The following GAN variants were observed in gnomAD, a reference collection of about 807,000 sequenced individuals.
GAN encodes the protein epididymis secretory sperm binding protein.
GAN carries 48 observed loss-of-function variants against 71.3 expected under a neutral mutation model. The observed-to-expected ratio is 0.67, with a 90% CI of 0.53 to 0.86. GAN has a LOEUF of 0.86. Ranked by LOEUF, GAN falls within the 40% of genes least tolerant of loss-of-function variation. The probability of loss-of-function intolerance (pLI) is 0.00; values close to 1 mark genes in which losing one functional copy is unlikely to be tolerated. For synonymous variants in GAN, 386 were observed against 276.8 expected (o/e 1.39, Z -3.92); for missense variants, 928 against 770.1 (o/e 1.21, Z -2.43).
chr16:81,357,676 C>T (rs1014584399), intron 4 of GAN, 134 bp from the exon 5 acceptor site: 6 of 821,480 alleles, frequency 7.3e-6, no homozygotes, highest in Admixed American at 1.8e-5. Flanking sequence ...CCTGAGGAAT[C>T]GTCACACTGA....
chr16:81,352,917 A>G (rs1910347132), intron 2 of GAN, among the ~76,000 whole-genome samples: 1 of 152,252 alleles, frequency 6.6e-6, no homozygotes, highest in Non-Finnish European at 1.5e-5. Context: ...GTAAGAGCCT[A>G]TTCATGTTCA....
intron 5 of GAN, 140 bp from the exon 6 acceptor site, chr16:81,362,359 G>C: frequency 1.4e-6 from 1 of 697,012 alleles, no homozygotes; most frequent in East Asian, 2.7e-5. Flanking sequence ...GATCCAATGG[G>C]ATGTGATAAA....
At chr16:81,323,957 T>A (rs972275601) in intron 1 of GAN, among the ~76,000 whole-genome samples, 2 of 152,222 alleles carry the variant, frequency 1.3e-5, no homozygotes, top group African/African-American at 4.8e-5. Context: ...GAAATAAACA[T>A]AAAACTAAAG....
rs1286742860 is a variant in GAN, at chr16:81,379,751, G to A, written c.*2155G>A. 6.6e-6 allele frequency: 1 copy of A among 152,136 alleles called. No homozygotes were observed. Among genetic ancestry groups the A allele is most frequent in the Non-Finnish European group, 1.5e-5 (1 of 68,028 alleles). The allele number at this position is 152,136 out of a possible 1,614,324, so 9.4% of individuals were successfully genotyped here. On this transcript the variant is annotated 3_prime_UTR_variant, in exon 11 of 11. Coordinates refer to ENST00000648994, the MANE Select transcript of GAN (RefSeq NM_022041.4). ...GTAACTGACATCCAGTTAAAGCCAC[G>A]ATCGTCAGCAATTCTCCTTTTTTAA...
chr16:81,353,642 C>T (rs1480750692), intron 2 of GAN, among the ~76,000 whole-genome samples: 2 of 152,166 alleles, frequency 1.3e-5, no homozygotes, highest in African/African-American at 4.8e-5. Context: ...GTGAAGTGCC[C>T]ATGCTTTGGG....
chr16:81,368,998 G>A (rs1453469287), intron 9 of GAN, among the ~76,000 whole-genome samples: 2 of 152,276 alleles, frequency 1.3e-5, no homozygotes, highest in East Asian at 3.9e-4. Context: ...CCCTTTTTTA[G>A]TATCTTTCTT....
chr16:81,377,560 G>A lies in GAN; in HGVS notation c.1758G>A (p.Gln586=). 6.2e-7 allele frequency: 1 copy of A among 1,614,204 alleles called. No homozygotes were observed. Among genetic ancestry groups the A allele is most frequent in the Non-Finnish European group, 8.5e-7 (1 of 1,180,026 alleles). Residue 586 remains glutamine (Q), a synonymous_variant, in exon 11 of 11, where the codon CAG becomes CAA. Coordinates refer to ENST00000648994, the MANE Select transcript of GAN (RefSeq NM_022041.4). The stretch of plus-strand genomic sequence containing the variant: ...GCAAGCTTTTCCGCCTGCAGCTTCA[G>A]CAAGGCTTATTCCGTATTCGTGTTC... ...ANCKLFRLQL[Q]QGLFRIRVHS...
chr16:81,353,853 ATCTG>A (rs757531322), intron 2 of GAN, among the ~76,000 whole-genome samples: 24 of 152,188 alleles, frequency 1.6e-4, no homozygotes, highest in Non-Finnish European at 3.2e-4. Context: ...ACCTAAGTGT[ATCTG>A]TCTGTGTACC....
rs1904370845 is a variant in GAN, at chr16:81,385,424, G to A, written c.*7828G>A. ...GGTGGCAGGTGCATCTGGGCTTGGG[G>A]GCTTCTGCCACACTTACTACTCTGT... On this transcript the variant is annotated 3_prime_UTR_variant, in exon 11 of 11. Transcript: ENST00000648994. The A allele has an allele frequency of 6.6e-6, 1 of 152,184 alleles. No individual in the cohort carries two copies. Among genetic ancestry groups the A allele is most frequent in the Non-Finnish European group, 1.5e-5 (1 of 68,054 alleles). The allele number at this position is 152,184 out of a possible 1,614,324, so 9.4% of individuals were successfully genotyped here.
chr16:81,363,101 A>T (rs1325585347), intron 6 of GAN, among the ~76,000 whole-genome samples: 2 of 152,346 alleles, frequency 1.3e-5, no homozygotes, highest in South Asian at 4.1e-4. Flanking sequence ...TTCATTGACA[A>T]ACGGACATGA....
intron 1 of GAN, among the ~76,000 whole-genome samples, chr16:81,317,122 G>T (rs1909070593): frequency 1.3e-5 from 2 of 152,238 alleles, no homozygotes; most frequent in African/African-American, 4.8e-5. Context: ...CTCCCAAAGT[G>T]CTGGGATTAC....
rs144990675 is a variant in GAN at position 81,336,648 on chromosome 16, T to TTA, written c.168-14935_168-14934insTA. Among the ~76,000 whole-genome samples, 300 of 147,514 alleles carry TTA rather than the reference T, an allele frequency of 2.0e-3. 2 individuals carry two copies. The highest frequency in any genetic ancestry group is 2.6e-3 in the South Asian group (12 of 4,588). On this transcript the variant is annotated intron_variant, in intron 1 of 10. Transcript: ENST00000648994. ...AGTTGGCTAATTTTTTTTTTTTTTTTAATTTTCTTTGTAGAGAGGAGGTCT... is the reference window on the plus strand; with the variant it reads ...AGTTGGCTAATTTTTTTTTTTTTTTTTAAATTTTCTTTGTAGAGAGGAGGTCT...
In GAN at chr16:81,382,401, T is replaced by C. The variant is rs963728750; in HGVS notation, c.*4805T>C. 5 of 152,252 alleles carry C rather than the reference T, an allele frequency of 3.3e-5. No individual in the cohort carries two copies. The highest frequency in any genetic ancestry group is 7.3e-5 in the Non-Finnish European group (5 of 68,054). The allele number at this position is 152,252 out of a possible 1,614,324, so 9.4% of individuals were successfully genotyped here. A position where few individuals can be genotyped will look rare whatever the true frequency, so the allele number is the denominator to read the frequency against. The stretch of plus-strand genomic sequence containing the variant: ...AAGCTGAAAGATCTTTGATTTTCTT[T>C]GTTAGTTAGCTATAGGAAGGTTAAG... On this transcript the variant is annotated 3_prime_UTR_variant, in exon 11 of 11. Coordinates refer to ENST00000648994, the MANE Select transcript of GAN (RefSeq NM_022041.4).
Position 81,389,759 on chromosome 16 carries a change from T to G in GAN, c.*12163T>G, listed in dbSNP as rs1171941437. ...CCCTCCCAAATTCAGGGCTGCTCTT[T>G]GCAGTGGTCCCTGGCCCAGCAGGTG... On this transcript the variant is annotated 3_prime_UTR_variant, in exon 11 of 11. Coordinates refer to ENST00000648994, the MANE Select transcript of GAN (RefSeq NM_022041.4). 6.6e-6 allele frequency: 1 copy of G among 152,228 alleles called. No homozygotes were observed. The highest frequency in any genetic ancestry group is 1.9e-4 in the East Asian group (1 of 5,198). The allele number at this position is 152,228 out of a possible 1,614,324, so 9.4% of individuals were successfully genotyped here.
In GAN at chr16:81,356,871, A is replaced by C; in HGVS notation, c.720A>C (p.Leu240Phe). The C allele has an allele frequency of 1.9e-6, 3 of 1,613,652 alleles. No homozygotes were observed. Among genetic ancestry groups the C allele is most frequent in the East Asian group, 2.2e-5 (1 of 44,876 alleles). ...YLREQMLNEP[L>F]VREIVKECSN... The stretch of plus-strand genomic sequence containing the variant: ...GGGAACAGATGCTGAATGAACCATT[A>C]GTACGAGAAATTGTCAAAGAGTGTA... Residue 240 changes from leucine to phenylalanine, a missense_variant, in exon 4 of 11, where the codon TTA becomes TTC. Leu to Phe is a conservative substitution (Grantham distance 22). Transcript: ENST00000648994.
At chr16:81,317,533 G>T (rs1253431003) in intron 1 of GAN, among the ~76,000 whole-genome samples, 1 of 152,222 alleles carries the variant, frequency 6.6e-6, no homozygotes, top group Admixed American at 6.5e-5. Flanking sequence ...TGTCTTCAAA[G>T]GTAGTACCCA....
At chr16:81,324,376 G>T (rs2150668448) in intron 1 of GAN, among the ~76,000 whole-genome samples, 1 of 152,256 alleles carries the variant, frequency 6.6e-6, no homozygotes. Context: ...TGTGGCCTGG[G>T]TGACGGGATC....
At chr16:81,319,758 G>T (rs1909166091) in intron 1 of GAN, among the ~76,000 whole-genome samples, 1 of 151,974 alleles carries the variant, frequency 6.6e-6, no homozygotes, top group South Asian at 2.1e-4. Flanking sequence ...GATAGAATGA[G>T]ACATAGGGCC....
chr16:81,347,767 A>T (rs1910168765), intron 1 of GAN, among the ~76,000 whole-genome samples: 1 of 152,080 alleles, frequency 6.6e-6, no homozygotes, highest in African/African-American at 2.4e-5. Flanking sequence ...CTGATTCTTG[A>T]TCCTTTCCAT....
Sources: gnomAD v4.1 joint callset for allele counts (sites outside exome capture counted in the v4.1 genomes callset) on GRCh38, gnomAD v4.1.1 for gene constraint, MANE v1.5 for transcripts, NCBI Gene and HGNC (gene_info 2026-07-23, HGNC 2026-07-21) for gene names.